The following PRDM10 variants were observed in gnomAD, a reference collection of about 807,000 sequenced individuals.
PRDM10 encodes the protein PR domain zinc finger protein 10.
PRDM10 carries 65 observed loss-of-function variants against 133.1 expected under a neutral mutation model. The observed-to-expected ratio is 0.49, with a 90% CI of 0.40 to 0.60. The LOEUF (loss-of-function observed/expected upper bound fraction) is 0.60, where lower values mean the gene tolerates loss of function less well. PRDM10 is among the 20% of genes least tolerant of loss of function. The probability of loss-of-function intolerance (pLI) is 0.00; values close to 1 mark genes in which losing one functional copy is unlikely to be tolerated. For synonymous variants in PRDM10, 582 were observed against 580.4 expected (o/e 1.00, Z -0.04); for missense variants, 1,137 against 1,507.1 (o/e 0.75, Z 4.07).
intron 18 of PRDM10, among the ~76,000 whole-genome samples, chr11:129,910,912 G>T (rs1360926153): frequency 6.6e-6 from 1 of 152,152 alleles, no homozygotes; most frequent in Non-Finnish European, 1.5e-5. Flanking sequence ...GAGTAGCTAG[G>T]ATTACAGGCA....
chr11:129,954,262 AT>A (rs1264728127), intron 4 of PRDM10, among the ~76,000 whole-genome samples: 1,564 of 127,664 alleles, frequency 0.012, 28 homozygotes, highest in African/African-American at 0.058. Context: ...AATTTAATTT[AT>A]TTATTTTTTT....
chr11:129,962,151 C>G (rs1416784142), intron 1 of PRDM10, among the ~76,000 whole-genome samples: 4 of 152,206 alleles, frequency 2.6e-5, no homozygotes, highest in Non-Finnish European at 1.5e-5. Flanking sequence ...TAAACTTTAA[C>G]ATGCACAATA....
intron 1 of PRDM10, among the ~76,000 whole-genome samples, chr11:129,992,146 C>A (rs1938792116): frequency 6.6e-6 from 1 of 152,144 alleles, no homozygotes; most frequent in East Asian, 1.9e-4. Context: ...TTTGCAAATT[C>A]CCTGAAGGAA....
At chr11:129,971,602 T>C (rs1057022052) in intron 1 of PRDM10, among the ~76,000 whole-genome samples, 1 of 148,634 alleles carries the variant, frequency 6.7e-6, no homozygotes, top group Non-Finnish European at 1.5e-5. Flanking sequence ...GAGCTAGACA[T>C]AAAGGTTCTC....
At chr11:129,980,997 G>A (rs888025095) in intron 1 of PRDM10, among the ~76,000 whole-genome samples, 3 of 148,508 alleles carry the variant, frequency 2.0e-5, no homozygotes, top group African/African-American at 5.0e-5. Context: ...TCAGCCTCCC[G>A]AGTAGCTGGG....
At chr11:129,970,545 CTTTTT>C (rs35299145) in intron 1 of PRDM10, among the ~76,000 whole-genome samples, 1 of 143,668 alleles carries the variant, frequency 7.0e-6, no homozygotes, top group East Asian at 2.0e-4. Context: ...CATACCCAAC[CTTTTT>C]TTTTTTTTTT....
intron 1 of PRDM10, among the ~76,000 whole-genome samples, chr11:129,997,410 G>A (rs1939120485): frequency 6.7e-6 from 1 of 149,158 alleles, no homozygotes; most frequent in South Asian, 2.1e-4. Context: ...AGCCTGGGAG[G>A]TCAAGGCTGC....
chr11:129,923,348 C>T lies in PRDM10; in HGVS notation c.1934G>A (p.Cys645Tyr). The part of the protein sequence containing the change: ...HSEKIYQCTE[C>Y]DKAFCRPDKL... The stretch of plus-strand genomic sequence containing the variant: ...ATCGGGGCGACAGAAGGCCTTGTCA[C>T]ACTCTGTGCACTGGTAGATCTTTTC... Residue 645 changes from cysteine (C) to tyrosine (Y), a missense_variant, in exon 13 of 21, where the codon TGT (cysteine) becomes TAT (tyrosine). Around this residue, in one of 6 missense-constraint regions of PRDM10, gnomAD observed 635 missense variants for 835.2 expected, o/e 0.76. Transcript: ENST00000360871. This position sits in a 1 kb window ranked among gnomAD's most constrained non-coding sequence, Gnocchi z 4.4. 6.2e-7 allele frequency: 1 copy of T among 1,612,614 alleles called. No individual in the cohort carries two copies. Among genetic ancestry groups the T allele is most frequent in the Non-Finnish European group, 8.5e-7 (1 of 1,179,490 alleles).
At chr11:129,917,673 G>A (rs1565458599) in intron 14 of PRDM10, among the ~76,000 whole-genome samples, 2 of 152,206 alleles carry the variant, frequency 1.3e-5, no homozygotes, top group Non-Finnish European at 2.9e-5. Context: ...TGACTTTCCA[G>A]CACCTGGCAG....
Position 129,914,958 on chromosome 11 carries a change from T to C in PRDM10, c.2587A>G (p.Ile863Val). 6.2e-7 allele frequency: 1 copy of C among 1,614,030 alleles called. No homozygotes were observed. Among genetic ancestry groups the C allele is most frequent in the Non-Finnish European group, 8.5e-7 (1 of 1,179,910 alleles). ...HPEFAQLSNTIHTPLTTAVIS... is the reference protein window; with the variant it reads ...HPEFAQLSNTVHTPLTTAVIS... ...ACAGCTGTCGTCAGTGGTGTGTGTA[T>C]GGTGTTGGAGAGCTGGGCGAACTCT... Residue 863 changes from isoleucine to valine, a missense_variant, in exon 17 of 21, where the codon ATA becomes GTA. Transcript: ENST00000360871.
Position 129,910,564 on chromosome 11 carries a change from C to G in PRDM10, c.3075G>C (p.Gln1025His). 1 of 1,614,088 alleles carries G rather than the reference C, an allele frequency of 6.2e-7. No homozygotes were observed. Among genetic ancestry groups the G allele is most frequent in the Non-Finnish European group, 8.5e-7 (1 of 1,180,006 alleles). Residue 1025 changes from glutamine (Q) to histidine (H), a missense_variant, in exon 19 of 21, where the codon CAG (glutamine) becomes CAC (histidine). Around this residue, in one of 6 missense-constraint regions of PRDM10, gnomAD observed 243 missense variants for 259.2 expected, o/e 0.94. Transcript: ENST00000360871. ...GCTGCTGCTGCTGCTGCTGCAGAGC[C>G]TGCCCCTGTGTGGAAGAACTGCCCT... The part of the protein sequence containing the change: ...HIQGSSSTQG[Q>H]ALQQQQQQQQ...
rs1565476375 is a variant in PRDM10, at chr11:129,935,157, C to T, written c.1101G>A (p.Ser367=). 9.9e-6 allele frequency: 16 copies of T among 1,613,994 alleles called. No homozygotes were observed. The highest frequency in any genetic ancestry group is 1.3e-5 in the Non-Finnish European group (15 of 1,179,904). ...AATTGAGATGCTGTTGCAACTGCTC[C>T]GAGCTTATAAATCGGCGGTTACATT... ...CYECNRRFIS[S]EQLQQHLNSH... Residue 367 remains serine, a synonymous_variant, in exon 9 of 21, where the codon TCG becomes TCA. Transcript: ENST00000360871.
intron 2 of PRDM10, among the ~76,000 whole-genome samples, chr11:129,960,365 T>C (rs1441762208): frequency 1.3e-5 from 2 of 152,078 alleles, no homozygotes; most frequent in Non-Finnish European, 2.9e-5. Context: ...CAAAATAACA[T>C]GTGGTTGGTT....
intron 2 of PRDM10, among the ~76,000 whole-genome samples, chr11:129,959,687 C>T (rs1370557816): frequency 6.6e-6 from 1 of 152,138 alleles, no homozygotes; most frequent in Non-Finnish European, 1.5e-5. Context: ...TGGAAATGAC[C>T]TCAAAATGAT....
At chr11:129,928,358 A>G (rs969957258) in intron 11 of PRDM10, among the ~76,000 whole-genome samples, 6 of 152,018 alleles carry the variant, frequency 3.9e-5, no homozygotes, top group Admixed American at 2.0e-4. Flanking sequence ...GACACAAAAA[A>G]GAAATCAAAC....
In PRDM10 at chr11:129,932,123, T is replaced by C. The variant is rs78152490; in HGVS notation, c.1266A>G (p.Glu422=). The C allele has an allele frequency of 0.027, 42,926 of 1,613,958 alleles. 795 individuals carry two copies. Among genetic ancestry groups the C allele is most frequent in the Admixed American group, 0.074 (4,427 of 59,990 alleles). ...GTACCTGTGTCCCATCGTCACTCTT[T>C]TCCCCATTTTCGCTGGTGATTTCCA... is the stretch of plus-strand genomic sequence containing the variant. ...IRLEITSENG[E]KSDDGTQDLL... The change falls in exon 10 of 21, where the codon GAA becomes GAG. Residue 422 remains glutamate, a synonymous_variant. Transcript: ENST00000360871.
Position 129,949,803 on chromosome 11 carries a change from G to A in PRDM10, c.295-2433C>T, listed in dbSNP as rs1361753378. Among the ~76,000 whole-genome samples, 8 of 151,916 alleles carry A rather than the reference G, an allele frequency of 5.3e-5. No individual in the cohort carries two copies. The East Asian group carries it at 9.7e-4, about 18-fold the overall frequency. On this transcript the variant is annotated intron_variant, in intron 4 of 20. Coordinates refer to ENST00000360871, the MANE Select transcript of PRDM10 (RefSeq NM_199437.2). ...AAAAAAAGTAGCTGGGCATGGTAGC[G>A]GGTGCCTGTAATCCCAGCTACTCGG...
intron 9 of PRDM10, among the ~76,000 whole-genome samples, chr11:129,934,515 T>C (rs1438194518): frequency 6.6e-6 from 1 of 152,216 alleles, no homozygotes; most frequent in Non-Finnish European, 1.5e-5. Flanking sequence ...CTAGTGATTA[T>C]TTTTTTCCAG....
chr11:129,931,453 G>T (rs1357876412), intron 10 of PRDM10, among the ~76,000 whole-genome samples, 195 bp from the exon 11 acceptor site: 2 of 152,156 alleles, frequency 1.3e-5, no homozygotes, highest in African/African-American at 2.4e-5. Context: ...ACAAGGAAAA[G>T]ACTGTGATCT....
Sources: allele counts gnomAD v4.1 joint callset (sites outside exome capture counted in the v4.1 genomes callset), GRCh38; gene constraint gnomAD v4.1.1; regional missense constraint gnomAD v4.1.1; non-coding constraint Gnocchi (gnomAD v3.1); transcripts MANE v1.5; gene names NCBI Gene and HGNC (gene_info 2026-07-23, HGNC 2026-07-21).